Variants in CDH18 observed in about 807,000 individuals in gnomAD.
CDH18 encodes cadherin 18.
In CDH18, 31 loss-of-function variants were observed where a neutral mutation model predicts 67.9. That is an observed-to-expected ratio of 0.46 (90% CI 0.34 to 0.62). The LOEUF is 0.62. Among genes scored for constraint, CDH18 ranks in the 20% least tolerant of loss-of-function variants. The pLI is 0.01. For missense variants in CDH18, 890 were observed against 975.5 expected (o/e 0.91, Z 1.17); for synonymous variants, 362 against 347.2 (o/e 1.04, Z -0.48).
intron 2 of CDH18, among the ~76,000 whole-genome samples, chr5:20,236,513 G>C (rs1474490734): frequency 2.6e-5 from 4 of 151,702 alleles, no homozygotes; most frequent in Non-Finnish European, 5.9e-5. Context: ...TGAGATAATG[G>C]CATCACTGAA....
At chr5:19,891,485 G>T (rs115777421) in intron 2 of CDH18, among the ~76,000 whole-genome samples, 1 of 152,054 alleles carries the variant, frequency 6.6e-6, no homozygotes, top group African/African-American at 2.4e-5. Context: ...AGATAATCAC[G>T]TAAAAGATAA....
intron 2 of CDH18, among the ~76,000 whole-genome samples, chr5:19,906,681 T>A (rs1029244368): frequency 6.6e-6 from 1 of 151,982 alleles, no homozygotes; most frequent in Non-Finnish European, 1.5e-5. Context: ...CAGAAAAGTA[T>A]CCCTGCTCAT....
intron 2 of CDH18, among the ~76,000 whole-genome samples, chr5:19,961,146 A>C (rs901628178): frequency 1.4e-5 from 2 of 139,176 alleles, no homozygotes; most frequent in East Asian, 2.1e-4. Flanking sequence ...TCTGTCGCCC[A>C]GGCTGGAGTG....
At chr5:20,425,490 A>G (rs1748233976) in intron 1 of CDH18, among the ~76,000 whole-genome samples, 1 of 151,420 alleles carries the variant, frequency 6.6e-6, no homozygotes, top group South Asian at 2.1e-4. Flanking sequence ...ATAGTCATGT[A>G]AATTAAAACT....
At chr5:19,528,991 C>G (rs1320641235) in intron 9 of CDH18, among the ~76,000 whole-genome samples, 2 of 151,330 alleles carry the variant, frequency 1.3e-5, no homozygotes, top group Admixed American at 1.3e-4. Context: ...AAAAAAAATC[C>G]ACCTTAGTCA....
intron 11 of CDH18, among the ~76,000 whole-genome samples, chr5:19,491,619 T>A (rs1382218807): frequency 3.3e-5 from 5 of 152,198 alleles, no homozygotes; most frequent in African/African-American, 1.2e-4. Flanking sequence ...AGTTACATAG[T>A]CAACACTGAA....
intron 3 of CDH18, among the ~76,000 whole-genome samples, chr5:19,754,329 C>A (rs1771245967): frequency 6.6e-6 from 1 of 152,106 alleles, no homozygotes; most frequent in South Asian, 2.1e-4. Flanking sequence ...ACATTTCATG[C>A]AAATGGACAC....
At position 20,296,782 on chromosome 5, in the gene CDH18, T is replaced by C. The variant is rs1159519192; in HGVS notation, c.-579-41277A>G. On this transcript the variant is annotated intron_variant, in intron 1 of 14. Coordinates refer to the CDH18 transcript ENST00000507958. ...ATATTTTGAACCTGATATATAATTCTAGAAACCATTGTGAGTCTTTCCTGG... is the reference window on the plus strand; with the variant it reads ...ATATTTTGAACCTGATATATAATTCCAGAAACCATTGTGAGTCTTTCCTGG... 4.6e-5 allele frequency among the ~76,000 whole-genome samples: 7 copies of C among 152,008 alleles called. No homozygotes were observed. In the East Asian group the frequency reaches 7.7e-4, roughly 17 times the overall value.
intron 10 of CDH18, among the ~76,000 whole-genome samples, chr5:19,511,214 G>A (rs774610881): frequency 6.6e-6 from 1 of 152,082 alleles, no homozygotes; most frequent in Non-Finnish European, 1.5e-5. Flanking sequence ...TTTCCCCCGT[G>A]ATTGTAAGTT....
chr5:19,941,278 A>G (rs1794787628), intron 2 of CDH18, among the ~76,000 whole-genome samples: 1 of 152,150 alleles, frequency 6.6e-6, no homozygotes, highest in East Asian at 1.9e-4. Context: ...TAAACTCCTC[A>G]GCCTCTAAAA....
At chr5:20,323,919 A>C (rs184442148) in intron 1 of CDH18, among the ~76,000 whole-genome samples, 162 of 152,330 alleles carry the variant, frequency 1.1e-3, no homozygotes, top group African/African-American at 3.5e-3. Context: ...AGAATATTCT[A>C]TGTAAATGTT....
In CDH18 at chr5:20,571,703, C is replaced by T. The variant is rs550570438; in HGVS notation, c.-580+3759G>A. Among the ~76,000 whole-genome samples, 8 of 152,102 alleles carry T rather than the reference C, an allele frequency of 5.3e-5. No individual in the cohort carries two copies. The South Asian group carries it at 1.7e-3, about 32-fold the overall frequency. ...GATATCTTTACCATTTTCATATTTCCATTTTATTTGAGCAACTTCTACACT... is the reference window on the plus strand; with the variant it reads ...GATATCTTTACCATTTTCATATTTCTATTTTATTTGAGCAACTTCTACACT... On this transcript the variant is annotated intron_variant, in intron 1 of 14. Coordinates refer to the CDH18 transcript ENST00000507958.
intron 1 of CDH18, among the ~76,000 whole-genome samples, chr5:20,295,778 T>C (rs1747446286): frequency 6.6e-6 from 1 of 152,120 alleles, no homozygotes; most frequent in Non-Finnish European, 1.5e-5. Context: ...TATATGTTTA[T>C]TTTCAAAGCG....
At chr5:20,365,348 C>A (rs1742423716) in intron 1 of CDH18, among the ~76,000 whole-genome samples, 1 of 152,112 alleles carries the variant, frequency 6.6e-6, no homozygotes, top group Admixed American at 6.5e-5. Context: ...CAAATACCAT[C>A]ACATTAGGAT....
intron 1 of CDH18, among the ~76,000 whole-genome samples, chr5:20,311,374 T>C (rs1435345926): frequency 6.6e-6 from 1 of 152,022 alleles, no homozygotes; most frequent in Non-Finnish European, 1.5e-5. Flanking sequence ...CTATTCACAA[T>C]AGCAAAGATT....
intron 3 of CDH18, among the ~76,000 whole-genome samples, chr5:19,754,203 AAGAT>A (rs139946775): frequency 1.3e-5 from 2 of 152,136 alleles, no homozygotes; most frequent in Non-Finnish European, 2.9e-5. Flanking sequence ...CTCCACTTAA[AAGAT>A]ACAGAACTGC....
intron 2 of CDH18, among the ~76,000 whole-genome samples, chr5:19,938,881 C>T (rs538874158): frequency 1.3e-5 from 2 of 151,068 alleles, no homozygotes; most frequent in East Asian, 3.9e-4. Flanking sequence ...CTAATTTAAA[C>T]TTTAAAATAA....
chr5:19,712,863 T>G (rs1452835379), intron 5 of CDH18, among the ~76,000 whole-genome samples: 1 of 151,676 alleles, frequency 6.6e-6, no homozygotes, highest in Non-Finnish European at 1.5e-5. Context: ...ATCAATGGGA[T>G]TGCAGTACAT....
chr5:19,585,562 C>T (rs76859446), intron 7 of CDH18, among the ~76,000 whole-genome samples: 1,724 of 152,142 alleles, frequency 0.011, 30 homozygotes, highest in African/African-American at 0.04. Flanking sequence ...TCATCTCCAC[C>T]CATAATGAAT....
Sources: gnomAD v4.1 joint callset for allele counts (sites outside exome capture counted in the v4.1 genomes callset) on GRCh38, gnomAD v4.1.1 for gene constraint, MANE v1.5 for transcripts, NCBI Gene and HGNC (gene_info 2026-07-23, HGNC 2026-07-21) for gene names.